CSMD3: variants seen among roughly 807,000 people sequenced by gnomAD.
CSMD3 encodes the protein CUB and sushi domain-containing protein 3.
Under a neutral mutation model 435.2 loss-of-function variants are expected in CSMD3, and 177 were observed. That is an observed-to-expected ratio of 0.41 (90% confidence interval 0.36 to 0.46). CSMD3 has a LOEUF of 0.46. Ranked by LOEUF, CSMD3 falls within the 20% of genes least tolerant of loss-of-function variation. The probability of loss-of-function intolerance (pLI) is 0.34; values close to 1 mark genes in which losing one functional copy is unlikely to be tolerated. For missense variants in CSMD3, 4,265 were observed against 4,504.6 expected, an observed-to-expected ratio of 0.95 and a Z score of 1.52; for synonymous variants, 1,656 against 1,520.5, an observed-to-expected ratio of 1.09 and a Z score of -2.07.
At chr8:112,236,526 G>A (rs1813612518) in intron 67 of CSMD3, among the ~76,000 whole-genome samples, 10 of 152,030 alleles carry the variant, frequency 6.6e-5, no homozygotes, top group Admixed American at 5.9e-4. Context: ...GAAAAAAACA[G>A]GGTAAGGCTG....
intron 3 of CSMD3, among the ~76,000 whole-genome samples, chr8:113,200,222 G>C (rs2092702826): frequency 1.3e-5 from 2 of 151,452 alleles, no homozygotes; most frequent in African/African-American, 4.8e-5. Context: ...TGATTCATCT[G>C]TGGATTATAC....
chr8:112,519,079 T>G (rs1824009370), intron 27 of CSMD3, among the ~76,000 whole-genome samples: 1 of 151,862 alleles, frequency 6.6e-6, no homozygotes, highest in African/African-American at 2.4e-5. Context: ...AGAGATGAGA[T>G]TTGGGTGGTG....
intron 1 of CSMD3, among the ~76,000 whole-genome samples, chr8:113,322,356 G>A (rs1461549469): frequency 6.6e-6 from 1 of 152,080 alleles, no homozygotes; most frequent in East Asian, 1.9e-4. Flanking sequence ...GGGAGAGATG[G>A]ATAGAGATTA....
At chr8:113,088,481 C>A (rs1446849176) in intron 5 of CSMD3, among the ~76,000 whole-genome samples, 2 of 149,398 alleles carry the variant, frequency 1.3e-5, no homozygotes, top group Non-Finnish European at 3.0e-5. Context: ...CAATGATAGA[C>A]TGGATTAAGA....
chr8:112,273,923 A>G (rs1817768560), intron 59 of CSMD3, among the ~76,000 whole-genome samples: 1 of 147,246 alleles, frequency 6.8e-6, no homozygotes, highest in South Asian at 2.2e-4. Flanking sequence ...GTTTAGTGGT[A>G]TAGGTAACAT....
intron 23 of CSMD3, among the ~76,000 whole-genome samples, chr8:112,581,704 C>T (rs1177281585): frequency 3.9e-5 from 6 of 151,982 alleles, no homozygotes; most frequent in Non-Finnish European, 8.8e-5. Context: ...TTAAATAGTT[C>T]CTGCTGTCTT....
intron 12 of CSMD3, among the ~76,000 whole-genome samples, chr8:112,810,729 G>T (rs2079202453): frequency 6.6e-6 from 1 of 151,994 alleles, no homozygotes. Context: ...AAAAGTCCTA[G>T]ATTATCTTAT....
chr8:113,421,500 A>T (rs1183248787), intron 1 of CSMD3, among the ~76,000 whole-genome samples: 1 of 152,212 alleles, frequency 6.6e-6, no homozygotes, highest in East Asian at 1.9e-4. Context: ...AAGAATGCAT[A>T]TACTTCATGT....
rs1317518764 is a variant in CSMD3, at chr8:112,500,264, A to C, written c.5083+3526T>G. Reference sequence around the variant, plus strand: ...AATATGCAGCAGCAAATAAAGTAAGAAACACTGTGAATATTTTCATGTCAA... The same window carrying C: ...AATATGCAGCAGCAAATAAAGTAAGCAACACTGTGAATATTTTCATGTCAA... On this transcript the variant is annotated intron_variant, in intron 30 of 70. Coordinates refer to ENST00000297405, the MANE Select transcript of CSMD3 (RefSeq NM_198123.2). 2.0e-5 allele frequency among the ~76,000 whole-genome samples: 3 copies of C among 152,204 alleles called. No individual in the cohort carries two copies. The East Asian group carries it at 5.8e-4, about 29-fold the overall frequency.
At chr8:112,995,859 C>T (rs1349270641) in intron 6 of CSMD3, among the ~76,000 whole-genome samples, 2 of 151,324 alleles carry the variant, frequency 1.3e-5, no homozygotes, top group Non-Finnish European at 3.0e-5. Context: ...GCTAGAGTGA[C>T]CTATTGAAAA....
rs147189158 is a variant in CSMD3 at position 112,302,641 on chromosome 8, T to C, written c.8267-675A>G. ...AATAACAGATCATGTTCATTGGGCT[T>C]GTATTATGTACTAGGTGCTATAGTG... On this transcript the variant is annotated intron_variant, in intron 52 of 70. Transcript: ENST00000297405. Among the ~76,000 whole-genome samples the C allele has an allele frequency of 4.3e-3, 647 of 152,162 alleles. 8 individuals carry two copies. Among genetic ancestry groups the C allele is most frequent in the African/African-American group, 0.014 (588 of 41,550 alleles).
At chr8:112,926,028 T>G (rs749805339) in intron 9 of CSMD3, among the ~76,000 whole-genome samples, 4 of 152,304 alleles carry the variant, frequency 2.6e-5, no homozygotes, top group Non-Finnish European at 4.4e-5. Flanking sequence ...CCATCCAGGA[T>G]CACAGCTACA....
intron 4 of CSMD3, among the ~76,000 whole-genome samples, chr8:113,104,601 A>G (rs1166555568): frequency 6.6e-6 from 1 of 152,108 alleles, no homozygotes; most frequent in Admixed American, 6.5e-5. Flanking sequence ...CTTCAGATTG[A>G]TAATTTTGTT....
At chr8:112,269,769 C>T (rs187732943) in intron 59 of CSMD3, among the ~76,000 whole-genome samples, 1 of 152,298 alleles carries the variant, frequency 6.6e-6, no homozygotes, top group Non-Finnish European at 1.5e-5. Flanking sequence ...AACTTCACTA[C>T]ATTTTAAATC....
At chr8:112,601,953 T>A (rs893690283) in intron 22 of CSMD3, among the ~76,000 whole-genome samples, 3 of 152,154 alleles carry the variant, frequency 2.0e-5, no homozygotes, top group Admixed American at 2.0e-4. Context: ...AATACAAGTT[T>A]CAGGTTAAGC....
intron 5 of CSMD3, among the ~76,000 whole-genome samples, chr8:113,069,043 CA>C (rs11301355): frequency 0.67 from 100,904 of 150,974 alleles, 35,052 homozygotes; most frequent in East Asian, 0.95. Context: ...AAAAACAAAC[CA>C]AAAAAAAAGG....
At chr8:112,839,648 G>A (rs986756591) in intron 11 of CSMD3, among the ~76,000 whole-genome samples, 9 of 151,560 alleles carry the variant, frequency 5.9e-5, no homozygotes, top group Non-Finnish European at 1.0e-4. Context: ...AAATAAATTT[G>A]TTAAGAAGGG....
chr8:112,885,011 G>A (rs929005519), intron 10 of CSMD3, among the ~76,000 whole-genome samples: 3 of 151,508 alleles, frequency 2.0e-5, no homozygotes, highest in Admixed American at 1.3e-4. Flanking sequence ...CCACTCTAAG[G>A]GTCCCTCCCC....
chr8:113,340,267 C>A (rs2094109193), intron 1 of CSMD3, among the ~76,000 whole-genome samples: 1 of 151,918 alleles, frequency 6.6e-6, no homozygotes, highest in Admixed American at 6.6e-5. Context: ...CTCTTATCAC[C>A]TCCTGAACAA....
Sources: allele counts gnomAD v4.1 joint callset (sites outside exome capture counted in the v4.1 genomes callset), GRCh38; gene constraint gnomAD v4.1.1; transcripts MANE v1.5; gene names NCBI Gene and HGNC (gene_info 2026-07-23, HGNC 2026-07-21).